AGL: variants seen among roughly 807,000 people sequenced by gnomAD.
The protein encoded by AGL is glycogen debranching enzyme.
AGL carries 128 observed loss-of-function variants against 199.3 expected under a neutral mutation model. The observed-to-expected ratio is 0.64, with a 90% CI of 0.56 to 0.74. The LOEUF (loss-of-function observed/expected upper bound fraction) is 0.74, where lower values mean the gene tolerates loss of function less well. AGL is among the 30% of genes least tolerant of loss of function. The probability of loss-of-function intolerance (pLI) is 0.00; values close to 1 mark genes in which losing one functional copy is unlikely to be tolerated. For synonymous variants in AGL, 584 were observed against 594.7 expected (o/e 0.98, Z 0.26); for missense variants, 1,809 against 1,820.8 (o/e 0.99, Z 0.12).
At chr1:99,884,496 A>G (rs1477155722) in intron 19 of AGL, 45 bp downstream of exon 19, 1 of 1,600,704 alleles carries the variant, frequency 6.2e-7, no homozygotes, top group Non-Finnish European at 8.6e-7. Context: ...TATATTTAAA[A>G]TAGTTTGCAT....
chr1:99,870,690 G>GTA (rs1256560053), intron 6 of AGL, 68 bp from the exon 7 acceptor site: 1 of 1,439,178 alleles, frequency 6.9e-7, no homozygotes, highest in African/African-American at 1.4e-5. Context: ...ATGATAAACA[G>GTA]TATTTGCTTA....
At chr1:99,874,273 A>G (rs1423999190) in intron 7 of AGL, among the ~76,000 whole-genome samples, 1 of 150,466 alleles carries the variant, frequency 6.6e-6, no homozygotes, top group African/African-American at 2.4e-5. Flanking sequence ...AAAAAAAGGT[A>G]CATGTATACA....
At chr1:99,906,437 A>G (rs911407923) in intron 27 of AGL, among the ~76,000 whole-genome samples, 16 of 152,324 alleles carry the variant, frequency 1.1e-4, no homozygotes, top group Non-Finnish European at 2.2e-4. Flanking sequence ...ACAGTTCAGT[A>G]GTGTTAAGTA....
chr1:99,852,643 T>C, intron 2 of AGL: 1 of 764,996 alleles, frequency 1.3e-6, no homozygotes, highest in Non-Finnish European at 2.4e-6. Context: ...CTGAAAGTAC[T>C]GGGATTACAA....
At position 99,891,752 on chromosome 1, in the gene AGL, A is replaced by G; in HGVS notation, c.3083+13A>G. 2 of 1,613,252 alleles carry G rather than the reference A, an allele frequency of 1.2e-6. No homozygotes were observed. Among genetic ancestry groups the G allele is most frequent in the South Asian group, 1.1e-5 (1 of 91,062 alleles). On this transcript the variant is annotated intron_variant, in intron 23 of 33. Coordinates refer to ENST00000361915, the MANE Select transcript of AGL (RefSeq NM_000642.3). ...AGCAGATGTCAAGGTATATCCAACAAAGCTTGAATAAATGGGCATATCTGT... is the reference window on the plus strand; with the variant it reads ...AGCAGATGTCAAGGTATATCCAACAGAGCTTGAATAAATGGGCATATCTGT...
At chr1:99,858,700 A>G (rs1049812482) in intron 2 of AGL, among the ~76,000 whole-genome samples, 1 of 152,230 alleles carries the variant, frequency 6.6e-6, no homozygotes. Context: ...ATTACAAAAT[A>G]TTAAAACCAA....
chr1:99,905,098 A>G (rs1654158021), intron 27 of AGL, among the ~76,000 whole-genome samples: 1 of 152,194 alleles, frequency 6.6e-6, no homozygotes, highest in Non-Finnish European at 1.5e-5. Context: ...CCCGCCAGCA[A>G]ACTGGAGAGA....
chr1:99,852,001 T>C (rs1648987513), intron 2 of AGL, among the ~76,000 whole-genome samples: 1 of 152,250 alleles, frequency 6.6e-6, no homozygotes, highest in Non-Finnish European at 1.5e-5. Flanking sequence ...TTTTTGGCTT[T>C]CCTGACTCTG....
At chr1:99,897,302 T>C (rs1653410292) in intron 25 of AGL, among the ~76,000 whole-genome samples, 1 of 152,126 alleles carries the variant, frequency 6.6e-6, no homozygotes, top group Non-Finnish European at 1.5e-5. Flanking sequence ...AACCTGGACA[T>C]AGAGAGAGTA....
chr1:99,855,172 G>T (rs1396703925), intron 2 of AGL, among the ~76,000 whole-genome samples: 1 of 152,018 alleles, frequency 6.6e-6, no homozygotes, highest in African/African-American at 2.4e-5. Context: ...ATGCACTCCA[G>T]CCCGGGCAAC....
rs542664585 is a variant in AGL, at chr1:99,874,498, C to T, written c.959-189C>T. ...CCCCCACACCCCTCGTGTGTGTTTG[C>T]GCGTGCACGCACGTGCACACACGTG... is the stretch of plus-strand genomic sequence containing the variant. On this transcript the variant is annotated intron_variant, in intron 7 of 33. Coordinates refer to ENST00000361915, the MANE Select transcript of AGL (RefSeq NM_000642.3). The T allele has an allele frequency of 8.7e-5, 51 of 584,576 alleles. 1 individual carries two copies. The highest frequency in any genetic ancestry group is 4.8e-4 in the Middle Eastern group (1 of 2,096). The allele number at this position is 584,576 out of a possible 1,614,324, so 36.2% of individuals were successfully genotyped here.
chr1:99,910,795 A>C lies in AGL; in HGVS notation c.3784A>C (p.Lys1262Gln). 1 of 1,613,290 alleles carries C rather than the reference A, an allele frequency of 6.2e-7. No homozygotes were observed. The highest frequency in any genetic ancestry group is 2.2e-5 in the East Asian group (1 of 44,796). ...NRFNCGTWMD[K>Q]MGESDRARNR... is the part of the protein sequence containing the mutation. ...TTTCAATTGTGGCACATGGATGGAT[A>C]AAATGGGAGAAAGTGACAGAGCTAG... The change falls in exon 28 of 34, where the codon AAA becomes CAA. Residue 1262 changes from lysine (K) to glutamine (Q), a missense_variant. Physicochemically the swap from Lys to Gln is moderately conservative, Grantham distance 53 (BLOSUM62 1). Transcript: ENST00000361915.
At position 99,912,381 on chromosome 1, in the gene AGL, T is replaced by A. The variant is rs1553192666; in HGVS notation, c.3837-24T>A. 7 of 1,596,994 alleles carry A rather than the reference T, an allele frequency of 4.4e-6. No homozygotes were observed. In the East Asian group the frequency reaches 1.6e-4, roughly 36 times the overall value. On this transcript the variant is annotated intron_variant, in intron 28 of 33. Transcript: ENST00000361915. ...ACTTAAAGGACGCCAACTTAAAGAA[T>A]AAAAATACGTTTTTTAATTTTAGAG... is the stretch of plus-strand genomic sequence containing the variant.
At chr1:99,881,499 T>C (rs755740038) in intron 16 of AGL, 42 bp from the exon 17 acceptor site, 1 of 1,613,946 alleles carries the variant, frequency 6.2e-7, no homozygotes, top group Non-Finnish European at 8.5e-7. Context: ...AGTAAGTCTT[T>C]CCAGTTTGAG....
chr1:99,891,577 A>G (rs550758130), intron 22 of AGL, 29 bp from the exon 23 acceptor site: 1 of 1,612,756 alleles, frequency 6.2e-7, no homozygotes, highest in Non-Finnish European at 8.5e-7. Context: ...CACATACCAA[A>G]TTAACTTTCA....
At chr1:99,874,495 TTGCGCG>T (rs2101125178) in intron 7 of AGL, 186 bp from the exon 8 acceptor site, 2 of 580,086 alleles carry the variant, frequency 3.4e-6, no homozygotes, top group East Asian at 5.9e-5. Context: ...TCGTGTGTGT[TTGCGCG>T]TGCACGCACG....
At chr1:99,908,867 T>C (rs1654522068) in intron 27 of AGL, among the ~76,000 whole-genome samples, 1 of 152,156 alleles carries the variant, frequency 6.6e-6, no homozygotes, top group Non-Finnish European at 1.5e-5. Context: ...GTCTACTTCA[T>C]TCATGGGCTA....
At chr1:99,870,366 T>G in intron 5 of AGL, 34 bp from the exon 6 acceptor site, 420 of 1,573,486 alleles carry the variant, frequency 2.7e-4, no homozygotes, top group Non-Finnish European at 3.3e-4. Context: ...AATTTAATTA[T>G]GAGATACTCC....
Position 99,864,451 on chromosome 1 carries a change from G to A in AGL, c.526G>A (p.Ala176Thr), listed in dbSNP as rs533806773. The A allele has an allele frequency of 3.7e-5, 59 of 1,613,728 alleles. No homozygotes were observed. In the South Asian group the frequency reaches 6.4e-4, roughly 17 times the overall value. ...ACTATCTAGGTCATGCTACTCCCTT[G>A]CCAATCAGTTAGAATTAAATCCTGA... ...LGLSRSCYSLANQLELNPDFS... is the reference protein window; with the variant it reads ...LGLSRSCYSLTNQLELNPDFS... Residue 176 changes from alanine to threonine, a missense_variant, in exon 5 of 34, where the codon GCC (alanine) becomes ACC (threonine). Coordinates refer to ENST00000361915, the MANE Select transcript of AGL (RefSeq NM_000642.3).
Sources: allele counts gnomAD v4.1 joint callset (sites outside exome capture counted in the v4.1 genomes callset), GRCh38; gene constraint gnomAD v4.1.1; transcripts MANE v1.5; gene names NCBI Gene and HGNC (gene_info 2026-07-23, HGNC 2026-07-21).